ZMYND11: variants seen among roughly 807,000 people sequenced by gnomAD.
ZMYND11 encodes zinc finger MYND domain-containing protein 11.
Under a neutral mutation model 84.9 loss-of-function variants are expected in ZMYND11, and 9 were observed. The observed-to-expected ratio is 0.11, with a 90% CI of 0.06 to 0.18. The LOEUF (loss-of-function observed/expected upper bound fraction) is 0.18. Ranked by LOEUF, ZMYND11 falls within the 10% of genes least tolerant of loss-of-function variation. The probability of loss-of-function intolerance (pLI) is 1.00; values close to 1 mark genes in which losing one functional copy is unlikely to be tolerated. For synonymous variants in ZMYND11, 250 were observed against 244.1 expected (o/e 1.02, Z -0.23); for missense variants, 409 against 761.0 (o/e 0.54, Z 5.44).
chr10:166,965 A>T (rs540806651), intron 1 of ZMYND11, among the ~76,000 whole-genome samples: 49 of 152,284 alleles, frequency 3.2e-4, no homozygotes, highest in African/African-American at 1.1e-3. Context: ...GAACCTAGAA[A>T]ACACACTAAT....
intron 2 of ZMYND11, among the ~76,000 whole-genome samples, chr10:201,899 C>T (rs147550174): frequency 6.6e-6 from 1 of 152,280 alleles, no homozygotes; most frequent in African/African-American, 2.4e-5. Flanking sequence ...ATTAAAATAG[C>T]AGACTAGAAG....
chr10:172,253 A>G (rs1845515405), intron 1 of ZMYND11, among the ~76,000 whole-genome samples: 1 of 152,208 alleles, frequency 6.6e-6, no homozygotes, highest in African/African-American at 2.4e-5. Context: ...GTACTAGCTA[A>G]TGCAATAAGA....
At chr10:132,696 A>G (rs1167784779), upstream of ZMYND11, among the ~76,000 whole-genome samples, 3 of 152,196 alleles carry the variant, frequency 2.0e-5, no homozygotes, top group Non-Finnish European at 4.4e-5. Context: ...AATGAGTTTG[A>G]GCAATTATTA....
intron 2 of ZMYND11, among the ~76,000 whole-genome samples, chr10:184,907 T>TG (rs1046513008): frequency 2.0e-5 from 3 of 152,154 alleles, no homozygotes; most frequent in Non-Finnish European, 4.4e-5. Context: ...CCGTTTTTTT[T>TG]TGTGGAATCA....
At chr10:226,470 T>A (rs1948150114) in intron 4 of ZMYND11, among the ~76,000 whole-genome samples, 1 of 152,214 alleles carries the variant, frequency 6.6e-6, no homozygotes, top group South Asian at 2.1e-4. Context: ...CTCTTTAATA[T>A]GTGCATGTTT....
At chr10:184,270 C>A (rs140780003) in intron 2 of ZMYND11, among the ~76,000 whole-genome samples, 1 of 152,158 alleles carries the variant, frequency 6.6e-6, no homozygotes, top group African/African-American at 2.4e-5. Flanking sequence ...ATTCTATATA[C>A]CATGTATAGT....
At chr10:196,936 G>A (rs1941892380) in intron 2 of ZMYND11, among the ~76,000 whole-genome samples, 1 of 152,172 alleles carries the variant, frequency 6.6e-6, no homozygotes. Context: ...AAGAAAGAAT[G>A]GAAGGTGGAG....
intron 3 of ZMYND11, among the ~76,000 whole-genome samples, chr10:212,623 G>A (rs1183675886): frequency 2.0e-5 from 3 of 151,636 alleles, no homozygotes; most frequent in African/African-American, 4.9e-5. Flanking sequence ...CTCAGCTGTC[G>A]TATGGGCATA....
rs1279948029 is a variant in ZMYND11 at position 161,846 on chromosome 10, CT to C, written c.-19-18147del. Among the ~76,000 whole-genome samples the C allele has an allele frequency of 4.6e-5, 7 of 152,266 alleles. 1 individual carries two copies. The highest frequency in any genetic ancestry group is 1.7e-4 in the African/African-American group (7 of 41,546). Reference sequence around the variant, plus strand: ...CTGGTCTGGTGTTCTATTCAGACCACTAAAATATTTTCCAAAGCAGCAATAA... The same window carrying C: ...CTGGTCTGGTGTTCTATTCAGACCACAAAATATTTTCCAAAGCAGCAATAA... On this transcript the variant is annotated intron_variant, in intron 1 of 14. Transcript: ENST00000381604.
intron 2 of ZMYND11, among the ~76,000 whole-genome samples, chr10:186,406 A>T (rs1938450267): frequency 6.6e-6 from 1 of 151,624 alleles, no homozygotes; most frequent in Non-Finnish European, 1.5e-5. Context: ...ACTTAGGGAG[A>T]CCGAGGCAGG....
At chr10:182,818 C>T (rs1588715155) in intron 2 of ZMYND11, among the ~76,000 whole-genome samples, 1 of 152,120 alleles carries the variant, frequency 6.6e-6, no homozygotes, top group East Asian at 1.9e-4. Context: ...GGCAGGAAGT[C>T]AGATCTTTTG....
intron 2 of ZMYND11, among the ~76,000 whole-genome samples, chr10:199,933 C>T (rs1242313344): frequency 6.6e-5 from 10 of 151,624 alleles, no homozygotes; most frequent in Admixed American, 5.9e-4. Flanking sequence ...GGTGTGATCA[C>T]GACTCACTGC....
chr10:230,671 C>T (rs1157213853), intron 4 of ZMYND11, among the ~76,000 whole-genome samples: 1 of 151,986 alleles, frequency 6.6e-6, no homozygotes, highest in African/African-American at 2.4e-5. Context: ...TGTCATCTGG[C>T]AATAAAATGG....
chr10:251,289 A>G (rs758294838), intron 14 of ZMYND11, among the ~76,000 whole-genome samples: 1 of 152,144 alleles, frequency 6.6e-6, no homozygotes, highest in African/African-American at 2.4e-5. Flanking sequence ...AAGCCACATG[A>G]CCAGTGGGTG....
chr10:178,392 G>T (rs1048638380), intron 1 of ZMYND11, among the ~76,000 whole-genome samples: 1 of 152,086 alleles, frequency 6.6e-6, no homozygotes. Context: ...AATCTCACAG[G>T]ATTGAGTTGT....
At chr10:187,170 G>A (rs969785956) in intron 2 of ZMYND11, among the ~76,000 whole-genome samples, 4 of 151,942 alleles carry the variant, frequency 2.6e-5, no homozygotes, top group Non-Finnish European at 5.9e-5. Context: ...AGGCTGCAGT[G>A]AGCTGTGATT....
At chr10:201,834 A>G (rs947258512) in intron 2 of ZMYND11, among the ~76,000 whole-genome samples, 1 of 152,162 alleles carries the variant, frequency 6.6e-6, no homozygotes, top group Non-Finnish European at 1.5e-5. Flanking sequence ...AATTGAATGT[A>G]TACTTTAATA....
chr10:170,291 C>T (rs1162545058), intron 1 of ZMYND11, among the ~76,000 whole-genome samples: 1 of 151,996 alleles, frequency 6.6e-6, no homozygotes, highest in African/African-American at 2.4e-5. Flanking sequence ...CAAATTATTT[C>T]AGTTAGAAAC....
chr10:135,880 C>T lies in ZMYND11; in HGVS notation c.-20+321C>T, dbSNP rs1197809389. Among the ~76,000 whole-genome samples, 3 of 151,212 alleles carry T rather than the reference C, an allele frequency of 2.0e-5. No individual in the cohort carries two copies. The highest frequency in any genetic ancestry group is 4.8e-5 in the African/African-American group (2 of 41,286). Reference sequence around the variant, plus strand: ...AGGACCGCGCGGGGCCTGCTCGGGCCGGGAAGCCGCGGAGTCGCGTGAGCA... The same window carrying T: ...AGGACCGCGCGGGGCCTGCTCGGGCTGGGAAGCCGCGGAGTCGCGTGAGCA... On this transcript the variant is annotated intron_variant, in intron 1 of 14. Coordinates refer to ENST00000381604, the MANE Select transcript of ZMYND11 (RefSeq NM_001370100.5). This position sits in a 1 kb window ranked among gnomAD's most constrained non-coding sequence, Gnocchi z 5.6.
Sources: allele counts gnomAD v4.1 joint callset (sites outside exome capture counted in the v4.1 genomes callset), GRCh38; gene constraint gnomAD v4.1.1; non-coding constraint Gnocchi (gnomAD v3.1); transcripts MANE v1.5; gene names NCBI Gene and HGNC (gene_info 2026-07-23, HGNC 2026-07-21).